The following KCNB2 variants were observed in gnomAD, a reference collection of about 807,000 sequenced individuals.
KCNB2 encodes delayed rectifier potassium channel protein.
KCNB2 carries 15 observed loss-of-function variants against 61.5 expected under a neutral mutation model. That is an observed-to-expected ratio of 0.24 (90% CI 0.16 to 0.38). KCNB2 has a LOEUF of 0.38. Ranked by LOEUF, KCNB2 falls within the 10% of genes least tolerant of loss-of-function variation. The pLI is 1.00. For synonymous variants in KCNB2, 457 were observed against 446.0 expected (o/e 1.02, Z -0.31); for missense variants, 828 against 1,125.2 (o/e 0.74, Z 3.78).
chr8:72,581,979 G>C (rs1806905967), intron 2 of KCNB2, among the ~76,000 whole-genome samples: 1 of 152,188 alleles, frequency 6.6e-6, no homozygotes, highest in Admixed American at 6.5e-5. Flanking sequence ...ACTGATGGCA[G>C]ATGGATAGAT....
At chr8:72,775,803 C>T (rs1271748034) in intron 2 of KCNB2, among the ~76,000 whole-genome samples, 1 of 151,954 alleles carries the variant, frequency 6.6e-6, no homozygotes, top group Non-Finnish European at 1.5e-5. Flanking sequence ...TAGGCTGTGC[C>T]TTTCTTTAAA....
chr8:72,577,615 G>C (rs910512458), intron 2 of KCNB2, among the ~76,000 whole-genome samples: 1 of 152,280 alleles, frequency 6.6e-6, no homozygotes. Flanking sequence ...CAGGATGCTA[G>C]AGGTCATTGC....
chr8:72,894,547 T>C (rs182480751), intron 2 of KCNB2, among the ~76,000 whole-genome samples: 6 of 152,352 alleles, frequency 3.9e-5, no homozygotes, highest in African/African-American at 1.4e-4. Context: ...TTACATTAGA[T>C]TGCATGACAT....
chr8:72,556,867 T>C (rs1806437418), intron 1 of KCNB2, among the ~76,000 whole-genome samples: 1 of 152,154 alleles, frequency 6.6e-6, no homozygotes, highest in African/African-American at 2.4e-5. Flanking sequence ...AGGTAACTTA[T>C]GAACAGCAGA....
chr8:72,730,113 C>A (rs1807716471), intron 2 of KCNB2, among the ~76,000 whole-genome samples: 1 of 151,976 alleles, frequency 6.6e-6, no homozygotes, highest in African/African-American at 2.4e-5. Flanking sequence ...AGGAAGCCCC[C>A]AATTCTGTCT....
intron 2 of KCNB2, among the ~76,000 whole-genome samples, chr8:72,644,976 G>T (rs966179407): frequency 6.6e-6 from 1 of 152,158 alleles, no homozygotes; most frequent in African/African-American, 2.4e-5. Context: ...AGAAAAGAAT[G>T]CCCCAGATTG....
At chr8:72,779,425 T>C (rs1241541225) in intron 2 of KCNB2, among the ~76,000 whole-genome samples, 1 of 152,200 alleles carries the variant, frequency 6.6e-6, no homozygotes, top group East Asian at 1.9e-4. Flanking sequence ...CCAGGCAGGC[T>C]GGCATCTTTA....
At chr8:72,585,654 C>T (rs1394731304) in intron 2 of KCNB2, among the ~76,000 whole-genome samples, 1 of 152,064 alleles carries the variant, frequency 6.6e-6, no homozygotes, top group East Asian at 1.9e-4. Context: ...AGGCATGAGC[C>T]GTGATGCCCA....
chr8:72,619,486 G>T (rs574892362), intron 2 of KCNB2: 5 of 222,720 alleles, frequency 2.2e-5, no homozygotes, highest in Non-Finnish European at 3.6e-5. Context: ...CATACTATGG[G>T]TATGAGATTT....
chr8:72,799,776 A>G (rs1159797025), intron 2 of KCNB2, among the ~76,000 whole-genome samples: 1 of 152,144 alleles, frequency 6.6e-6, no homozygotes, highest in Non-Finnish European at 1.5e-5. Flanking sequence ...TAAAAAATAT[A>G]ATTGAAGGAG....
At chr8:72,865,513 CACTA>C (rs1335060993) in intron 2 of KCNB2, among the ~76,000 whole-genome samples, 2 of 152,136 alleles carry the variant, frequency 1.3e-5, no homozygotes, top group Non-Finnish European at 2.9e-5. Context: ...ACTTGACACT[CACTA>C]AATAATTAAC....
intron 2 of KCNB2, among the ~76,000 whole-genome samples, chr8:72,648,610 G>T (rs1171037703): frequency 1.3e-5 from 2 of 149,402 alleles, no homozygotes; most frequent in Admixed American, 1.3e-4. Context: ...ATAGTTTTGA[G>T]TAAAATATTA....
At chr8:72,830,594 C>A (rs1417074317) in intron 2 of KCNB2, among the ~76,000 whole-genome samples, 2 of 152,192 alleles carry the variant, frequency 1.3e-5, no homozygotes, top group African/African-American at 2.4e-5. Context: ...TGCATGGTAA[C>A]ATTCCATTTT....
At chr8:72,884,896 A>G (rs779675544) in intron 2 of KCNB2, among the ~76,000 whole-genome samples, 4 of 152,266 alleles carry the variant, frequency 2.6e-5, no homozygotes, top group South Asian at 4.1e-4. Flanking sequence ...GCTCCTCCCA[A>G]TGACTTTTAA....
intron 1 of KCNB2, among the ~76,000 whole-genome samples, chr8:72,553,784 T>A (rs760102970): frequency 6.6e-6 from 1 of 152,144 alleles, no homozygotes; most frequent in Non-Finnish European, 1.5e-5. Flanking sequence ...AAGTAGAATA[T>A]TATGGTAATC....
At chr8:72,610,719 T>C (rs1371246318) in intron 2 of KCNB2, among the ~76,000 whole-genome samples, 3 of 152,142 alleles carry the variant, frequency 2.0e-5, no homozygotes, top group Non-Finnish European at 4.4e-5. Context: ...TCAGACATCA[T>C]TAAATTAAAA....
chr8:72,910,940 T>C (rs1806278270), intron 2 of KCNB2, among the ~76,000 whole-genome samples: 1 of 152,184 alleles, frequency 6.6e-6, no homozygotes, highest in South Asian at 2.1e-4. Context: ...TATCGTGCAT[T>C]GTCAGACACT....
intron 2 of KCNB2, among the ~76,000 whole-genome samples, chr8:72,763,707 T>C (rs566985204): frequency 6.6e-6 from 1 of 152,330 alleles, no homozygotes; most frequent in East Asian, 1.9e-4. Context: ...ATTACTCAAA[T>C]ATGTGGTTGA....
At chr8:72,700,351 T>C (rs935157914) in intron 2 of KCNB2, among the ~76,000 whole-genome samples, 4 of 152,094 alleles carry the variant, frequency 2.6e-5, no homozygotes, top group African/African-American at 9.7e-5. Flanking sequence ...ATCCCAGAAC[T>C]TAAAGTAAAA....
Sources: gnomAD v4.1 joint callset for allele counts (sites outside exome capture counted in the v4.1 genomes callset) on GRCh38, gnomAD v4.1.1 for gene constraint, MANE v1.5 for transcripts, NCBI Gene and HGNC (gene_info 2026-07-23, HGNC 2026-07-21) for gene names.